COL5A2: variants seen among roughly 807,000 people sequenced by gnomAD.
The protein encoded by COL5A2 is collagen type V alpha 2 chain.
COL5A2 carries 23 observed loss-of-function variants against 208.2 expected under a neutral mutation model. That is an observed-to-expected ratio of 0.11 (90% CI 0.08 to 0.16). The LOEUF is 0.16. Ranked by LOEUF, COL5A2 falls within the 10% of genes least tolerant of loss-of-function variation. COL5A2 has a pLI of 1.00. For synonymous variants in COL5A2, 625 were observed against 628.5 expected, an observed-to-expected ratio of 0.99 and a Z score of 0.08; for missense variants, 1,590 against 1,956.4, an observed-to-expected ratio of 0.81 and a Z score of 3.53.
At chr2:189,392,572 A>G in the COL5A2 span, among the ~76,000 whole-genome samples, 1 of 152,288 alleles carries the variant, frequency 6.6e-6, no homozygotes. Flanking sequence ...GAAGCAAATC[A>G]TCTTACTTTA....
chr2:189,039,362 T>C lies in COL5A2; in HGVS notation c.3835A>G (p.Ile1279Val), dbSNP rs772344964. Residue 1279 changes from isoleucine (I) to valine (V), a missense_variant, in exon 51 of 54, where the codon ATT becomes GTT. Transcript: ENST00000374866. ...CCATCGGGGCTGCGCATGGTTTCAATCTGACTACTGAGTGACTTCAGGGTA... is the reference window on the plus strand; with the variant it reads ...CCATCGGGGCTGCGCATGGTTTCAACCTGACTACTGAGTGACTTCAGGGTA... ...HATLKSLSSQ[I>V]ETMRSPDGSK... is the part of the protein sequence containing the mutation. 14 of 1,614,066 alleles carry C rather than the reference T, an allele frequency of 8.7e-6. No individual in the cohort carries two copies. Among genetic ancestry groups the C allele is most frequent in the Admixed American group, 1.7e-5 (1 of 60,024 alleles).
the COL5A2 span, among the ~76,000 whole-genome samples, chr2:189,388,552 T>G: frequency 6.6e-6 from 1 of 152,200 alleles, no homozygotes; most frequent in Non-Finnish European, 1.5e-5. Flanking sequence ...GATTTTGTAC[T>G]AACTACAGTA....
chr2:189,163,384 AC>A (rs1385030905), intron 1 of COL5A2, among the ~76,000 whole-genome samples: 1 of 152,248 alleles, frequency 6.6e-6, no homozygotes, highest in Non-Finnish European at 1.5e-5. Flanking sequence ...ATAACACAAC[AC>A]ATGATGCATT....
At chr2:189,381,915 CTTT>C in the COL5A2 span, among the ~76,000 whole-genome samples, 2 of 151,720 alleles carry the variant, frequency 1.3e-5, no homozygotes, top group African/African-American at 4.8e-5. Context: ...AAAAATAGCC[CTTT>C]ATTATTGTGT....
At chr2:189,168,033 G>A (rs1366750232) in intron 1 of COL5A2, among the ~76,000 whole-genome samples, 2 of 150,204 alleles carry the variant, frequency 1.3e-5, no homozygotes, top group Admixed American at 6.7e-5. Context: ...CGCCTCCCAG[G>A]TTCACACCAT....
chr2:189,095,903 A>G (rs1006237708), intron 6 of COL5A2: 13 of 152,296 alleles, frequency 8.5e-5, no homozygotes, highest in Admixed American at 3.9e-4. Context: ...AAAACTCAAT[A>G]CAACCACAGT....
At chr2:189,309,072 CTTTTGTTA>C in the COL5A2 span, among the ~76,000 whole-genome samples, 1 of 152,170 alleles carries the variant, frequency 6.6e-6, no homozygotes, top group Admixed American at 6.5e-5. Context: ...ATCACAGCTC[CTTTTGTTA>C]CAGGAGGTAG....
the COL5A2 span, among the ~76,000 whole-genome samples, chr2:189,312,753 AT>A: frequency 1.3e-5 from 2 of 152,126 alleles, no homozygotes; most frequent in Admixed American, 6.5e-5. Flanking sequence ...ATCTTTGCTC[AT>A]TCACAGCCTT....
At chr2:189,358,593 T>A in the COL5A2 span, among the ~76,000 whole-genome samples, 1 of 152,182 alleles carries the variant, frequency 6.6e-6, no homozygotes, top group Non-Finnish European at 1.5e-5. Context: ...TAGGAATTTT[T>A]TTCTACTTCT....
intron 14 of COL5A2, 72 bp from the exon 15 acceptor site, chr2:189,079,179 A>G: frequency 8.6e-7 from 1 of 1,163,414 alleles, no homozygotes. Context: ...CTGTGTGTGT[A>G]ATTTTAAAAG....
the COL5A2 span, among the ~76,000 whole-genome samples, chr2:189,413,456 G>A: frequency 6.6e-6 from 1 of 152,144 alleles, no homozygotes; most frequent in Non-Finnish European, 1.5e-5. Flanking sequence ...TAAAAAGGAT[G>A]ACGACTGGGC....
At chr2:189,312,021 G>T in the COL5A2 span, 2 of 752,412 alleles carry the variant, frequency 2.7e-6, no homozygotes, top group Admixed American at 1.7e-5. Flanking sequence ...CTGGCACATG[G>T]CCAGCTCTGT....
intron 15 of COL5A2, 51 bp from the exon 16 acceptor site, chr2:189,078,620 A>G (rs952293073): frequency 4.8e-6 from 7 of 1,445,400 alleles, no homozygotes; most frequent in East Asian, 2.3e-5. Flanking sequence ...TTTGAAATGT[A>G]GAGTAGTCTG....
chr2:189,222,551 A>G (rs1162866014), intron 1 of COL5A2, among the ~76,000 whole-genome samples: 3 of 152,122 alleles, frequency 2.0e-5, no homozygotes, highest in African/African-American at 7.2e-5. Context: ...GGTTTGTTCT[A>G]CAGAATTGAA....
chr2:189,337,395 G>A, the COL5A2 span, among the ~76,000 whole-genome samples: 1 of 151,740 alleles, frequency 6.6e-6, no homozygotes, highest in African/African-American at 2.4e-5. Flanking sequence ...TTTTAGCCCG[G>A]ATGGTCTCGA....
the COL5A2 span, among the ~76,000 whole-genome samples, chr2:189,285,903 T>C: frequency 6.6e-6 from 1 of 152,140 alleles, no homozygotes; most frequent in African/African-American, 2.4e-5. Flanking sequence ...GCACAAATCA[T>C]TTAGTATGCT....
the COL5A2 span, among the ~76,000 whole-genome samples, chr2:189,355,224 T>G: frequency 6.6e-6 from 1 of 152,242 alleles, no homozygotes; most frequent in East Asian, 1.9e-4. Context: ...TTAGAATAAG[T>G]GTGATGTGGT....
intron 17 of COL5A2, among the ~76,000 whole-genome samples, chr2:189,073,454 T>A (rs1477784094): frequency 2.0e-5 from 3 of 152,166 alleles, no homozygotes; most frequent in African/African-American, 4.8e-5. Context: ...TTGATGACCC[T>A]GTGAAATCAT....
At chr2:189,054,270 C>T in intron 35 of COL5A2, 58 bp from the exon 36 acceptor site, 1 of 1,206,832 alleles carries the variant, frequency 8.3e-7, no homozygotes, top group South Asian at 1.3e-5. Context: ...AATCTTCATG[C>T]TTAGCAAATC....
Sources: allele counts gnomAD v4.1 joint callset (sites outside exome capture counted in the v4.1 genomes callset), GRCh38; gene constraint gnomAD v4.1.1; transcripts MANE v1.5; gene names NCBI Gene and HGNC (gene_info 2026-07-23, HGNC 2026-07-21).